The following MAP4K4 variants were observed in gnomAD, a reference collection of about 807,000 sequenced individuals.
MAP4K4 encodes mitogen-activated protein kinase kinase kinase kinase 4, also known as HPK/GCK-like kinase HGK.
MAP4K4 carries 38 observed loss-of-function variants against 189.6 expected under a neutral mutation model. The ratio of observed to expected loss-of-function variants is 0.20; its 90% confidence interval spans 0.15 to 0.26. The LOEUF is 0.26. MAP4K4 is among the 10% of genes least tolerant of loss of function. The pLI, the probability that MAP4K4 is intolerant of heterozygous loss-of-function variation, is 1.00. For missense variants in MAP4K4, 1,054 were observed against 1,726.9 expected, an observed-to-expected ratio of 0.61 and a Z score of 6.91; for synonymous variants, 610 against 624.3, an observed-to-expected ratio of 0.98 and a Z score of 0.34.
At position 101,697,836 on chromosome 2, in the gene MAP4K4, A is replaced by T. The variant is rs913730729; in HGVS notation, c.-245A>T. 2 of 140,726 alleles carry T rather than the reference A, an allele frequency of 1.4e-5. No individual in the cohort carries two copies. The highest frequency in any genetic ancestry group is 3.1e-5 in the Non-Finnish European group (2 of 64,322). 8.7% of individuals were successfully genotyped at this position (140,726 alleles called of 1,614,324 possible). On this transcript the variant is annotated 5_prime_UTR_variant, in exon 1 of 33. An upstream start codon of the reference 5' UTR is lost. Coordinates refer to ENST00000324219, the Ensembl canonical transcript of MAP4K4. ...GGGGCCTGACGGCCGGCCCCGCGCC[A>T]TGGTGTGAGCGCCGCCGCCCGTGCA...
intron 2 of MAP4K4, among the ~76,000 whole-genome samples, chr2:101,787,950 C>T (rs1425729113): frequency 1.3e-5 from 2 of 151,942 alleles, no homozygotes; most frequent in African/African-American, 4.8e-5. Flanking sequence ...ATTACAGGTG[C>T]ACGCCACCAC....
chr2:101,856,168 C>T, intron 13 of MAP4K4, 30 bp downstream of exon 13: 1 of 1,542,704 alleles, frequency 6.5e-7, no homozygotes. Flanking sequence ...AGCAGGCATA[C>T]ACTTGTGAAG....
chr2:101,802,107 T>C (rs189786778), intron 3 of MAP4K4, among the ~76,000 whole-genome samples: 5 of 152,326 alleles, frequency 3.3e-5, no homozygotes, highest in African/African-American at 1.2e-4. Context: ...AATCATAATA[T>C]GTTTTAATGA....
intron 10 of MAP4K4, among the ~76,000 whole-genome samples, chr2:101,840,613 TC>T (rs2096888390): frequency 6.6e-6 from 1 of 152,216 alleles, no homozygotes; most frequent in Non-Finnish European, 1.5e-5. Flanking sequence ...GAGGTGCAGT[TC>T]AAACATCGTC....
intron 3 of MAP4K4, among the ~76,000 whole-genome samples, chr2:101,792,477 C>T (rs547857370): frequency 3.3e-5 from 5 of 152,118 alleles, no homozygotes; most frequent in African/African-American, 1.2e-4. Flanking sequence ...TCTTCTTCAC[C>T]GAAGCCTGGC....
chr2:101,826,431 G>A (rs950580534), intron 5 of MAP4K4, among the ~76,000 whole-genome samples: 5 of 152,078 alleles, frequency 3.3e-5, no homozygotes, highest in African/African-American at 9.7e-5. Flanking sequence ...GAAGGGTGGG[G>A]TAGGGTGACA....
At chr2:101,811,033 A>T (rs1224472185) in intron 3 of MAP4K4, among the ~76,000 whole-genome samples, 1 of 152,122 alleles carries the variant, frequency 6.6e-6, no homozygotes, top group Admixed American at 6.6e-5. Flanking sequence ...GATTTCTTTT[A>T]ACAGACTTAT....
intron 10 of MAP4K4, among the ~76,000 whole-genome samples, chr2:101,840,699 A>G (rs896975037): frequency 6.6e-6 from 1 of 152,138 alleles, no homozygotes; most frequent in African/African-American, 2.4e-5. Flanking sequence ...TCCTTATAAT[A>G]ACTTTATAGA....
At chr2:101,804,250 A>T (rs1383737776) in intron 3 of MAP4K4, among the ~76,000 whole-genome samples, 1 of 152,204 alleles carries the variant, frequency 6.6e-6, no homozygotes, top group Non-Finnish European at 1.5e-5. Context: ...TCGTTTTGCA[A>T]TTTGTTTTAA....
intron 30 of MAP4K4, 86 bp downstream of exon 30, chr2:101,887,323 C>A (rs1486512858): frequency 4.5e-6 from 6 of 1,328,552 alleles, no homozygotes; most frequent in Non-Finnish European, 6.2e-6. Flanking sequence ...TGAACTAACA[C>A]AAGCAGGGAT....
intron 32 of MAP4K4, 28 bp from the exon 33 acceptor site, chr2:101,891,138 C>G: frequency 3.8e-6 from 6 of 1,579,138 alleles, no homozygotes; most frequent in Non-Finnish European, 5.2e-6. Context: ...CCATGGTAAC[C>G]ATTCCCTCTC....
At chr2:101,819,774 AGTT>A (rs1330598632) in intron 3 of MAP4K4, among the ~76,000 whole-genome samples, 1 of 152,154 alleles carries the variant, frequency 6.6e-6, no homozygotes, top group Non-Finnish European at 1.5e-5. Flanking sequence ...ATTATATTTT[AGTT>A]GTTCTTCTAA....
At chr2:101,883,337 CTT>C (rs892048138) in intron 28 of MAP4K4, among the ~76,000 whole-genome samples, 1 of 146,710 alleles carries the variant, frequency 6.8e-6, no homozygotes, top group African/African-American at 2.5e-5. Flanking sequence ...AACCAAAACT[CTT>C]TTTTTTTTTG....
chr2:101,810,079 C>G (rs921391833), intron 3 of MAP4K4, among the ~76,000 whole-genome samples: 6 of 152,138 alleles, frequency 3.9e-5, no homozygotes, highest in Non-Finnish European at 8.8e-5. Context: ...CATCACATGC[C>G]ATGGATATGC....
chr2:101,777,010 T>C (rs919684756), intron 2 of MAP4K4, among the ~76,000 whole-genome samples: 13 of 152,214 alleles, frequency 8.5e-5, no homozygotes, highest in African/African-American at 2.9e-4. Context: ...TAGAAAGTCA[T>C]AGCCAGGCTT....
chr2:101,706,109 C>T (rs547598012), intron 2 of MAP4K4, among the ~76,000 whole-genome samples: 8 of 152,212 alleles, frequency 5.3e-5, no homozygotes, highest in Admixed American at 1.3e-4. Context: ...GATACTAAAG[C>T]GCTCATACCA....
At chr2:101,782,984 C>T (rs1287514416) in intron 2 of MAP4K4, among the ~76,000 whole-genome samples, 1 of 152,046 alleles carries the variant, frequency 6.6e-6, no homozygotes, top group African/African-American at 2.4e-5. Context: ...GTAGATTTCC[C>T]AGTGCTGTAC....
At chr2:101,713,201 C>T (rs1574032064) in intron 2 of MAP4K4, among the ~76,000 whole-genome samples, 1 of 152,184 alleles carries the variant, frequency 6.6e-6, no homozygotes, top group Non-Finnish European at 1.5e-5. Context: ...AACCACTGCG[C>T]CTGGCCTTAA....
At chr2:101,809,411 A>G (rs1283155955) in intron 3 of MAP4K4, among the ~76,000 whole-genome samples, 4 of 152,148 alleles carry the variant, frequency 2.6e-5, no homozygotes, top group South Asian at 2.1e-4. Context: ...AATCACCACC[A>G]TACATATGGT....
Sources: gnomAD v4.1 joint callset for allele counts (sites outside exome capture counted in the v4.1 genomes callset) on GRCh38, gnomAD v4.1.1 for gene constraint, MANE v1.5 for transcripts, NCBI Gene and HGNC (gene_info 2026-07-23, HGNC 2026-07-21) for gene names.